DYSF: variants seen among roughly 807,000 people sequenced by gnomAD.
DYSF encodes dysferlin.
DYSF carries 212 observed loss-of-function variants against 274.9 expected under a neutral mutation model. That is an observed-to-expected ratio of 0.77 (90% CI 0.69 to 0.86). The LOEUF is 0.86. Ranked by LOEUF, DYSF falls within the 40% of genes least tolerant of loss-of-function variation. The pLI, the probability that DYSF is intolerant of heterozygous loss-of-function variation, is 0.00. For synonymous variants in DYSF, 1,091 were observed against 1,078.7 expected (o/e 1.01, Z -0.22); for missense variants, 2,666 against 2,783.2 (o/e 0.96, Z 0.95).
intron 32 of DYSF, among the ~76,000 whole-genome samples, chr2:71,596,367 G>A (rs928852210): frequency 6.6e-6 from 1 of 152,146 alleles, no homozygotes; most frequent in African/African-American, 2.4e-5. Context: ...TCTGGGGCCC[G>A]CATGCTTATA....
rs2093790775 is a variant in DYSF, at chr2:71,612,658, G to A, written c.4239G>A (p.Glu1413=). ...CCACCCAGATGCTGCCCAGGGAGGAGCTCTACTGCCCCCCCATCACCGTCA... is the reference window on the plus strand; with the variant it reads ...CCACCCAGATGCTGCCCAGGGAGGAACTCTACTGCCCCCCCATCACCGTCA... The part of the protein sequence containing the change: ...LFMEVMLPRE[E]LYCPPITVKV... Residue 1413 remains glutamate, a synonymous_variant, in exon 39 of 56, where the codon GAG becomes GAA. Coordinates refer to ENST00000410020, the MANE Select transcript of DYSF (RefSeq NM_001130987.2). 1.9e-6 allele frequency: 3 copies of A among 1,614,124 alleles called. No individual in the cohort carries two copies. The highest frequency in any genetic ancestry group is 2.5e-6 in the Non-Finnish European group (3 of 1,179,990).
At chr2:71,620,735 A>G in intron 41 of DYSF, 126 bp downstream of exon 41, 1 of 1,032,746 alleles carries the variant, frequency 9.7e-7, no homozygotes. Context: ...GAGCCCTAGC[A>G]GGGAAGTCAC....
intron 41 of DYSF, among the ~76,000 whole-genome samples, chr2:71,624,822 A>G (rs4146417): frequency 6.6e-6 from 1 of 152,002 alleles, no homozygotes; most frequent in Non-Finnish European, 1.5e-5. Context: ...ATAAGATGCA[A>G]CTGTCTTGTA....
chr2:71,566,136 T>C (rs796640682), intron 24 of DYSF, among the ~76,000 whole-genome samples: 26 of 147,342 alleles, frequency 1.8e-4, no homozygotes, highest in African/African-American at 6.3e-4. Context: ...AGCCAGTTCC[T>C]GGCCTGGTAG....
At chr2:71,571,982 C>G (rs970291558) in intron 29 of DYSF, among the ~76,000 whole-genome samples, 1 of 147,616 alleles carries the variant, frequency 6.8e-6, no homozygotes, top group African/African-American at 2.5e-5. Context: ...GAGCATGGAT[C>G]ACATCCAGCA....
At chr2:71,594,353 C>T (rs990710461) in intron 32 of DYSF, among the ~76,000 whole-genome samples, 1 of 152,178 alleles carries the variant, frequency 6.6e-6, no homozygotes, top group Non-Finnish European at 1.5e-5. Context: ...TTGTGAAATG[C>T]TCCACTTAAA....
At chr2:71,457,048 G>A (rs77091364) in intron 1 of DYSF, among the ~76,000 whole-genome samples, 3,628 of 152,222 alleles carry the variant, frequency 0.024, 140 homozygotes, top group African/African-American at 0.082. Context: ...ACAAACAGAG[G>A]GAATGGACAT....
At chr2:71,597,681 T>G (rs547033461) in intron 32 of DYSF, among the ~76,000 whole-genome samples, 1 of 152,018 alleles carries the variant, frequency 6.6e-6, no homozygotes, top group East Asian at 1.9e-4. Context: ...AGGGAATGAG[T>G]TGTGGCTGGG....
Position 71,611,584 on chromosome 2 carries a change from G to A in DYSF, c.4179G>A (p.Arg1393=). Residue 1393 remains arginine, a synonymous_variant, in exon 38 of 56, where the codon CGG becomes CGA. Transcript: ENST00000410020. The part of the protein sequence containing the change: ...TVQSCVIRNL[R]KNPNFDICTL... ...AGTCCTGTGTCATCAGGAACCTCCG[G>A]AAGAACCCCAACTTTGACATCTGCA... is the stretch of plus-strand genomic sequence containing the variant. 6.2e-7 allele frequency: 1 copy of A among 1,614,062 alleles called. No homozygotes were observed. Among genetic ancestry groups the A allele is most frequent in the African/African-American group, 1.3e-5 (1 of 75,014 alleles).
At chr2:71,468,295 G>T (rs1210495203) in intron 1 of DYSF, among the ~76,000 whole-genome samples, 2 of 152,156 alleles carry the variant, frequency 1.3e-5, no homozygotes, top group African/African-American at 2.4e-5. Flanking sequence ...TCTAACACTC[G>T]TTTGGGTCTG....
intron 3 of DYSF, among the ~76,000 whole-genome samples, chr2:71,501,070 G>T (rs1367025971): frequency 6.6e-6 from 1 of 152,144 alleles, no homozygotes; most frequent in Non-Finnish European, 1.5e-5. Flanking sequence ...CCCTAGGATG[G>T]AGACACTCCA....
At chr2:71,456,515 G>A (rs541349773) in intron 1 of DYSF, among the ~76,000 whole-genome samples, 2 of 152,276 alleles carry the variant, frequency 1.3e-5, no homozygotes, top group South Asian at 4.1e-4. Flanking sequence ...ACCAGTCTGG[G>A]AAGCCTTCCC....
chr2:71,577,977 C>T (rs2092767108), intron 30 of DYSF, among the ~76,000 whole-genome samples: 1 of 152,182 alleles, frequency 6.6e-6, no homozygotes, highest in African/African-American at 2.4e-5. Flanking sequence ...TCCCTGCTTA[C>T]TAGCTGTGGA....
chr2:71,502,928 G>T (rs1340009800), intron 3 of DYSF, among the ~76,000 whole-genome samples: 2 of 152,162 alleles, frequency 1.3e-5, no homozygotes, highest in African/African-American at 4.8e-5. Flanking sequence ...GGGAGGCGTG[G>T]CTGGGCCTCT....
chr2:71,564,520 T>C (rs1389081506), intron 24 of DYSF, among the ~76,000 whole-genome samples: 2 of 152,194 alleles, frequency 1.3e-5, no homozygotes, highest in Non-Finnish European at 2.9e-5. Flanking sequence ...GTGTTTGTCC[T>C]TCCAGGCAGG....
At chr2:71,592,333 C>G (rs2093291205) in intron 32 of DYSF, among the ~76,000 whole-genome samples, 1 of 152,192 alleles carries the variant, frequency 6.6e-6, no homozygotes. Flanking sequence ...GGCCCCACCC[C>G]CTCCCCCAAA....
chr2:71,476,131 A>T (rs2082375497), intron 1 of DYSF, among the ~76,000 whole-genome samples: 1 of 152,208 alleles, frequency 6.6e-6, no homozygotes, highest in Non-Finnish European at 1.5e-5. Context: ...CTCTTTGAGC[A>T]GGTCAGAAGG....
rs756466528 is a variant in DYSF, at chr2:71,520,205, C to T, written c.1030C>T (p.Pro344Ser). 6.2e-7 allele frequency: 1 copy of T among 1,614,198 alleles called. No individual in the cohort carries two copies. The highest frequency in any genetic ancestry group is 1.7e-5 in the Admixed American group (1 of 60,030). ...GGACGTGGGCACCATTTACAGAGAG[C>T]CCCGTGAGTTCTCACCACTTTGGCC... ...RMDVGTIYREPRHAYLRKWLL... is the reference protein window; with the variant it reads ...RMDVGTIYRESRHAYLRKWLL... Residue 344 changes from proline (P) to serine (S), a missense_variant, in exon 11 of 56, where the codon CCC becomes TCC. By Grantham distance (74) the Pro-to-Ser change is moderately conservative (BLOSUM62 -1). Coordinates refer to ENST00000410020, the MANE Select transcript of DYSF (RefSeq NM_001130987.2).
At chr2:71,549,710 T>C (rs948164526) in intron 17 of DYSF, among the ~76,000 whole-genome samples, 1 of 122,178 alleles carries the variant, frequency 8.2e-6, no homozygotes, top group Admixed American at 8.7e-5. Flanking sequence ...GGGTCTGGAG[T>C]GGGGCAGGGG....
Sources: gnomAD v4.1 joint callset for allele counts (sites outside exome capture counted in the v4.1 genomes callset) on GRCh38, gnomAD v4.1.1 for gene constraint, MANE v1.5 for transcripts, NCBI Gene and HGNC (gene_info 2026-07-23, HGNC 2026-07-21) for gene names.